Variants in LARS2 observed in about 807,000 individuals in gnomAD.
LARS2 encodes leucyl-tRNA synthetase 2, mitochondrial.
A neutral mutation model predicts 116.6 loss-of-function variants in LARS2; 81 were observed. That is an observed-to-expected ratio of 0.69 (90% CI 0.58 to 0.84). The LOEUF (loss-of-function observed/expected upper bound fraction) is 0.84. Among genes scored for constraint, LARS2 ranks in the 40% least tolerant of loss-of-function variants. The probability of loss-of-function intolerance (pLI) is 0.00; values close to 1 mark genes in which losing one functional copy is unlikely to be tolerated. For missense variants in LARS2, 968 were observed against 1,114.5 expected, an observed-to-expected ratio of 0.87 and a Z score of 1.87; for synonymous variants, 396 against 407.2, an observed-to-expected ratio of 0.97 and a Z score of 0.33.
At position 45,394,975 on chromosome 3, in the gene LARS2, C is replaced by T. The variant is rs764074451; in HGVS notation, c.234+288C>T. Among the ~76,000 whole-genome samples, 10 of 152,112 alleles carry T rather than the reference C, an allele frequency of 6.6e-5. No homozygotes were observed. In the South Asian group the frequency reaches 1.7e-3, roughly 25 times the overall value. On this transcript the variant is annotated intron_variant, in intron 3 of 21. Transcript: ENST00000645846. ...GATGCACACATAGTAATATTGCGCA[C>T]GAGGTGTATGACAGACAGCAGCAAA...
Position 45,415,707 on chromosome 3 carries a change from G to A in LARS2, c.364-1775G>A, listed in dbSNP as rs184027536. 1.1e-4 allele frequency among the ~76,000 whole-genome samples: 17 copies of A among 152,072 alleles called. No homozygotes were observed. The East Asian group carries it at 2.7e-3, about 24-fold the overall frequency. On this transcript the variant is annotated intron_variant, in intron 4 of 21. Coordinates refer to ENST00000645846, the MANE Select transcript of LARS2 (RefSeq NM_015340.4). ...TACTAAAAATACAAAAATTAGCCGG[G>A]TGTGGGGGTATGTGCCTGTAATCCC...
At chr3:45,435,486 G>A (rs1477477148) in intron 6 of LARS2, among the ~76,000 whole-genome samples, 1 of 152,158 alleles carries the variant, frequency 6.6e-6, no homozygotes, top group Non-Finnish European at 1.5e-5. Flanking sequence ...GAAGTAGAAT[G>A]GTTATTGTCT....
chr3:45,473,276 A>G lies in LARS2; in HGVS notation c.751-967A>G, dbSNP rs569171429. ...TGTAAAATGAAATATGGGTGATCATATAAGTATATAGCCTATTGAATTATT... is the reference window on the plus strand; with the variant it reads ...TGTAAAATGAAATATGGGTGATCATGTAAGTATATAGCCTATTGAATTATT... On this transcript the variant is annotated intron_variant, in intron 8 of 21. Transcript: ENST00000645846. Among the ~76,000 whole-genome samples, 352 of 152,348 alleles carry G rather than the reference A, an allele frequency of 2.3e-3. 3 individuals carry two copies. The highest frequency in any genetic ancestry group is 7.8e-3 in the African/African-American group (324 of 41,580).
At chr3:45,456,595 A>G (rs1050560054) in intron 7 of LARS2, among the ~76,000 whole-genome samples, 8 of 152,182 alleles carry the variant, frequency 5.3e-5, no homozygotes, top group African/African-American at 1.7e-4. Context: ...AAAAAAGAAG[A>G]AATAATTAAG....
At chr3:45,488,036 C>A (rs1269421490) in intron 11 of LARS2, among the ~76,000 whole-genome samples, 5 of 152,060 alleles carry the variant, frequency 3.3e-5, no homozygotes, top group Non-Finnish European at 7.4e-5. Context: ...ACCCCACTGC[C>A]CTCTGCCACT....
intron 19 of LARS2, among the ~76,000 whole-genome samples, chr3:45,521,385 C>T (rs1700453265): frequency 6.6e-6 from 1 of 152,080 alleles, no homozygotes; most frequent in African/African-American, 2.4e-5. Flanking sequence ...GAAGCTGAGG[C>T]GAGAGGATCG....
chr3:45,520,207 C>A lies in LARS2; in HGVS notation c.2215-12C>A, dbSNP rs200220721. On this transcript the variant is annotated splice_polypyrimidine_tract_variant and intron_variant, in intron 18 of 21. Coordinates refer to ENST00000645846, the MANE Select transcript of LARS2 (RefSeq NM_015340.4). ...TTTTGAAATAAGTAAATAATTGAAC[C>A]TTTACTAATAGGTGACCACCCATTT... 5.1e-5 allele frequency: 80 copies of A among 1,581,694 alleles called. No individual in the cohort carries two copies. The highest frequency in any genetic ancestry group is 6.3e-5 in the Non-Finnish European group (72 of 1,150,980).
At chr3:45,547,068 G>A (rs768064608) in intron 21 of LARS2, among the ~76,000 whole-genome samples, 1 of 152,170 alleles carries the variant, frequency 6.6e-6, no homozygotes, top group Non-Finnish European at 1.5e-5. Context: ...CTGTGTATGG[G>A]AGCAGTGCTC....
chr3:45,417,089 A>AC (rs896015031), intron 4 of LARS2, among the ~76,000 whole-genome samples: 15 of 150,424 alleles, frequency 1.0e-4, no homozygotes, highest in Middle Eastern at 3.4e-3. Flanking sequence ...AAAAAAAACA[A>AC]AAAAAAAAAC....
intron 7 of LARS2, among the ~76,000 whole-genome samples, chr3:45,453,983 G>A (rs550196927): frequency 1.6e-4 from 24 of 152,246 alleles, no homozygotes; most frequent in African/African-American, 5.5e-4. Flanking sequence ...CTGATGGTGG[G>A]TGTGATCTAG....
intron 7 of LARS2, among the ~76,000 whole-genome samples, chr3:45,449,111 A>G (rs1699069533): frequency 6.7e-6 from 1 of 150,270 alleles, no homozygotes; most frequent in African/African-American, 2.4e-5. Flanking sequence ...AGGGCAAGAG[A>G]GAGGGAGAGT....
intron 8 of LARS2, among the ~76,000 whole-genome samples, chr3:45,466,913 C>T (rs979545804): frequency 1.4e-4 from 21 of 152,250 alleles, no homozygotes; most frequent in African/African-American, 5.1e-4. Context: ...GACGGGGTTT[C>T]ACCTGCATTG....
intron 21 of LARS2, 27 bp downstream of exon 21, chr3:45,541,983 C>T (rs1451109025): frequency 1.9e-6 from 3 of 1,612,554 alleles, no homozygotes; most frequent in East Asian, 2.2e-5. Flanking sequence ...AACCCCAGAA[C>T]CCAGCAGTCC....
chr3:45,429,266 G>T (rs1043902848), intron 6 of LARS2, among the ~76,000 whole-genome samples: 1 of 152,184 alleles, frequency 6.6e-6, no homozygotes, highest in Non-Finnish European at 1.5e-5. Flanking sequence ...CCAAAATCAA[G>T]GTGTTGGTAG....
At chr3:45,433,442 A>G (rs1174928154) in intron 6 of LARS2, among the ~76,000 whole-genome samples, 1 of 152,004 alleles carries the variant, frequency 6.6e-6, no homozygotes, top group African/African-American at 2.4e-5. Flanking sequence ...CTTAGGTGTT[A>G]TGTTATAATG....
intron 20 of LARS2, among the ~76,000 whole-genome samples, chr3:45,539,462 C>G (rs1400675677): frequency 3.9e-5 from 6 of 152,134 alleles, no homozygotes; most frequent in African/African-American, 1.4e-4. Flanking sequence ...AAAACCCTGT[C>G]TCTACTAAAA....
intron 6 of LARS2, among the ~76,000 whole-genome samples, chr3:45,433,162 G>T (rs1408133753): frequency 6.6e-6 from 1 of 151,876 alleles, no homozygotes; most frequent in African/African-American, 2.4e-5. Context: ...TTTGAAGTGG[G>T]TTTTTTGTAA....
chr3:45,416,008 A>G (rs529001079), intron 4 of LARS2, among the ~76,000 whole-genome samples: 2 of 151,544 alleles, frequency 1.3e-5, no homozygotes, highest in African/African-American at 4.8e-5. Context: ...TACTCTCTGG[A>G]ATACCTTTTC....
At chr3:45,455,247 G>A (rs1251981918) in intron 7 of LARS2, among the ~76,000 whole-genome samples, 2 of 151,896 alleles carry the variant, frequency 1.3e-5, no homozygotes, top group Non-Finnish European at 2.9e-5. Context: ...AGGCCATGTG[G>A]GAAATGTAGA....
Sources: gnomAD v4.1 joint callset for allele counts (sites outside exome capture counted in the v4.1 genomes callset) on GRCh38, gnomAD v4.1.1 for gene constraint, MANE v1.5 for transcripts, NCBI Gene and HGNC (gene_info 2026-07-23, HGNC 2026-07-21) for gene names.